POTEC: variants seen among roughly 807,000 people sequenced by gnomAD.
POTEC encodes the protein POTE ankyrin domain family member C, also known as ANKRD26-like family B member 2.
In POTEC, 35 loss-of-function variants were observed where a neutral mutation model predicts 62.0. That is an observed-to-expected ratio of 0.56 (90% CI 0.43 to 0.75). The LOEUF is 0.75. POTEC is among the 30% of genes least tolerant of loss of function. The pLI is 0.00. For synonymous variants in POTEC, 156 were observed against 221.5 expected, an observed-to-expected ratio of 0.70 and a Z score of 2.62; for missense variants, 472 against 655.9, an observed-to-expected ratio of 0.72 and a Z score of 3.06.
chr18:14,517,575 C>T (rs944734145), intron 9 of POTEC, among the ~76,000 whole-genome samples: 1 of 150,362 alleles, frequency 6.7e-6, no homozygotes, highest in Non-Finnish European at 1.5e-5. Flanking sequence ...AAATAAAATA[C>T]TAGTGGCCAG....
chr18:14,513,881 T>C (rs1910080313), intron 9 of POTEC, 96 bp from the exon 10 acceptor site: 2 of 1,584,902 alleles, frequency 1.3e-6, no homozygotes, highest in Non-Finnish European at 1.7e-6. Flanking sequence ...ACACAATGCA[T>C]ATCTGCACAT....
intron 6 of POTEC, chr18:14,529,057 C>A (rs1910512191): frequency 4.4e-6 from 2 of 454,164 alleles, no homozygotes; most frequent in African/African-American, 2.0e-5. Context: ...TAGAAAAATT[C>A]TTCTCACTCT....
In POTEC at chr18:14,543,059, G is replaced by A; in HGVS notation, c.88C>T (p.His30Tyr). 1.9e-6 allele frequency: 3 copies of A among 1,605,258 alleles called. No individual in the cohort carries two copies. The highest frequency in any genetic ancestry group is 2.6e-6 in the Non-Finnish European group (3 of 1,174,366). ...CTCCCCTTGCAGCAGGGGAAGCGGTGGTGAAACCACTTGCCCATCTTGCTC... is the reference window on the plus strand; with the variant it reads ...CTCCCCTTGCAGCAGGGGAAGCGGTAGTGAAACCACTTGCCCATCTTGCTC... ...LRSKMGKWFH[H>Y]RFPCCKGSGK... Residue 30 changes from histidine to tyrosine, a missense_variant, in exon 1 of 11, where the codon CAC (histidine) becomes TAC (tyrosine). By Grantham distance (83) the His-to-Tyr change is moderately conservative. Transcript: ENST00000358970.
At chr18:14,518,239 G>T (rs1284527810) in intron 9 of POTEC, among the ~76,000 whole-genome samples, 1 of 151,916 alleles carries the variant, frequency 6.6e-6, no homozygotes, top group African/African-American at 2.4e-5. Context: ...CCCTATTCAT[G>T]AGAGTGAGAA....
chr18:14,523,676 T>C (rs1052054490), intron 7 of POTEC, among the ~76,000 whole-genome samples, 169 bp from the exon 8 acceptor site: 1 of 151,848 alleles, frequency 6.6e-6, no homozygotes, highest in African/African-American at 2.4e-5. Context: ...AAATAAATAA[T>C]TAAAATTAAG....
intron 6 of POTEC, among the ~76,000 whole-genome samples, chr18:14,527,306 C>G (rs1910461912): frequency 6.6e-6 from 1 of 152,074 alleles, no homozygotes; most frequent in African/African-American, 2.4e-5. Flanking sequence ...GAAAAATGCC[C>G]TGCTAAAGGG....
At chr18:14,537,109 A>G (rs1424922422) in intron 3 of POTEC, among the ~76,000 whole-genome samples, 2 of 148,530 alleles carry the variant, frequency 1.3e-5, no homozygotes, top group Non-Finnish European at 3.0e-5. Context: ...GAAAACTGTC[A>G]TTCTCTAAAA....
intron 5 of POTEC, among the ~76,000 whole-genome samples, chr18:14,532,441 T>G (rs1000198017): frequency 6.6e-6 from 1 of 152,170 alleles, no homozygotes; most frequent in Non-Finnish European, 1.5e-5. Flanking sequence ...AGTCACTGTA[T>G]GAATCCCCAT....
chr18:14,528,743 T>G (rs1232300328), intron 6 of POTEC: 1 of 327,664 alleles, frequency 3.1e-6, no homozygotes, highest in African/African-American at 2.2e-5. Context: ...GTCCAAAGCA[T>G]TGTACCTGGT....
chr18:14,540,817 C>T (rs1242919665), intron 1 of POTEC, among the ~76,000 whole-genome samples: 3 of 152,146 alleles, frequency 2.0e-5, no homozygotes, highest in Non-Finnish European at 4.4e-5. Context: ...AATATAAGTA[C>T]CACTGTTCTT....
intron 6 of POTEC, among the ~76,000 whole-genome samples, chr18:14,526,606 A>G (rs1180825525): frequency 6.6e-6 from 1 of 152,060 alleles, no homozygotes; most frequent in Non-Finnish European, 1.5e-5. Flanking sequence ...ACAGCATGCC[A>G]CACAGCAGCA....
At chr18:14,535,918 C>G (rs948240433) in intron 3 of POTEC, among the ~76,000 whole-genome samples, 2 of 152,004 alleles carry the variant, frequency 1.3e-5, no homozygotes, top group African/African-American at 4.8e-5. Flanking sequence ...AGCTATTATT[C>G]TGTAAGCTGA....
chr18:14,516,078 A>C (rs1298099178), intron 9 of POTEC, among the ~76,000 whole-genome samples: 1 of 150,656 alleles, frequency 6.6e-6, no homozygotes, highest in Admixed American at 6.6e-5. Context: ...GTGGGGATAC[A>C]AATTAGTACA....
intron 9 of POTEC, among the ~76,000 whole-genome samples, chr18:14,515,873 T>C (rs898228681): frequency 1.5e-4 from 23 of 151,842 alleles, no homozygotes; most frequent in African/African-American, 5.6e-4. Flanking sequence ...ATGACATGAA[T>C]AGACATTGCT....
chr18:14,515,618 T>C (rs996495439), intron 9 of POTEC, among the ~76,000 whole-genome samples: 1 of 150,364 alleles, frequency 6.7e-6, no homozygotes, highest in Non-Finnish European at 1.5e-5. Context: ...ATGAGGACCC[T>C]GAAAGCAAAA....
At position 14,542,909 on chromosome 18, in the gene POTEC, C is replaced by A. The variant is rs747533662; in HGVS notation, c.238G>T (p.Val80Leu). The A allele has an allele frequency of 6.3e-6, 8 of 1,277,534 alleles. No individual in the cohort carries two copies. In the Admixed American group the frequency reaches 1.8e-4, roughly 29 times the overall value. The allele number at this position is 1,277,534 out of a possible 1,614,324, so 79.1% of individuals were successfully genotyped here. A position where few individuals can be genotyped will look rare whatever the true frequency, so the allele number is the denominator to read the frequency against. ...TTGTCATGGTCTCCAGAAGTGCCCA[C>A]GTTGCTCGTGCCGCTCCCCCTGCAG... is the stretch of plus-strand genomic sequence containing the variant. ...PCCRGSGTSN[V>L]GTSGDHDNSF... The change falls in exon 1 of 11, where the codon GTG becomes TTG. Residue 80 changes from valine to leucine, a missense_variant. Physicochemically the swap from Val to Leu is conservative, Grantham distance 32. Transcript: ENST00000358970.
chr18:14,530,369 A>G lies in POTEC; in HGVS notation c.1126+114T>C, dbSNP rs368907223. 226 of 1,499,682 alleles carry G rather than the reference A, an allele frequency of 1.5e-4. 7 individuals carry two copies. The East Asian group carries it at 2.5e-3, about 16-fold the overall frequency. The allele number at this position is 1,499,682 out of a possible 1,614,324, so 92.9% of individuals were successfully genotyped here. On this transcript the variant is annotated intron_variant, in intron 6 of 10. Coordinates refer to ENST00000358970, the MANE Select transcript of POTEC (RefSeq NM_001137671.2). Reference sequence around the variant, plus strand: ...TGAAACATGGCTGAATAATCCTGAAACCATCCCCACCTTCCCCCAGCCCAT... The same window carrying G: ...TGAAACATGGCTGAATAATCCTGAAGCCATCCCCACCTTCCCCCAGCCCAT...
At chr18:14,524,891 T>G in intron 7 of POTEC, 22 bp downstream of exon 7, 2 of 1,603,542 alleles carry the variant, frequency 1.2e-6, no homozygotes, top group South Asian at 1.1e-5. Flanking sequence ...AATCAAAAAT[T>G]TAAATTTAAA....
rs1909951777 is a variant in POTEC at position 14,509,848 on chromosome 18, C to T, written c.*2050G>A. 6.9e-6 allele frequency: 1 copy of T among 143,988 alleles called. No homozygotes were observed. Among genetic ancestry groups the T allele is most frequent in the Non-Finnish European group, 1.5e-5 (1 of 66,282 alleles). 8.9% of individuals were successfully genotyped at this position (143,988 alleles called of 1,614,324 possible). On this transcript the variant is annotated 3_prime_UTR_variant, in exon 11 of 11. Transcript: ENST00000358970. Reference sequence around the variant, plus strand: ...GCACAGCACAACTGCTCTACACAAACGTGGCCAGACTTCTTTTTTAAGCAA... The same window carrying T: ...GCACAGCACAACTGCTCTACACAAATGTGGCCAGACTTCTTTTTTAAGCAA...
Sources: gnomAD v4.1 joint callset for allele counts (sites outside exome capture counted in the v4.1 genomes callset) on GRCh38, gnomAD v4.1.1 for gene constraint, MANE v1.5 for transcripts, NCBI Gene and HGNC (gene_info 2026-07-23, HGNC 2026-07-21) for gene names.